The following TMTC1 variants were observed in gnomAD, a reference collection of about 807,000 sequenced individuals.
TMTC1 encodes transmembrane O-mannosyltransferase targeting cadherins 1.
Under a neutral mutation model 104.8 loss-of-function variants are expected in TMTC1, and 73 were observed. The ratio of observed to expected loss-of-function variants is 0.70; its 90% confidence interval spans 0.58 to 0.85. TMTC1 has a LOEUF of 0.85. Ranked by LOEUF, TMTC1 falls within the 40% of genes least tolerant of loss-of-function variation. The probability of loss-of-function intolerance (pLI) is 0.00; values close to 1 mark genes in which losing one functional copy is unlikely to be tolerated. For synonymous variants in TMTC1, 434 were observed against 428.7 expected (o/e 1.01, Z -0.15); for missense variants, 1,035 against 1,096.1 (o/e 0.94, Z 0.79).
chr12:29,730,156 C>G (rs1002023634), intron 5 of TMTC1, among the ~76,000 whole-genome samples: 1 of 152,128 alleles, frequency 6.6e-6, no homozygotes, highest in Non-Finnish European at 1.5e-5. Flanking sequence ...TTAACAAACT[C>G]AAGGACTCTG....
intron 5 of TMTC1, among the ~76,000 whole-genome samples, chr12:29,711,350 G>A (rs1941920713): frequency 6.6e-6 from 1 of 152,076 alleles, no homozygotes; most frequent in Non-Finnish European, 1.5e-5. Context: ...ATTTGGAAAG[G>A]GAGACTATAA....
intron 11 of TMTC1, among the ~76,000 whole-genome samples, chr12:29,532,320 A>T (rs1944527412): frequency 6.6e-6 from 1 of 152,174 alleles, no homozygotes; most frequent in Non-Finnish European, 1.5e-5. Context: ...CTCAAGACTC[A>T]TGAAATATAT....
At chr12:29,704,046 A>G (rs1266751445) in intron 5 of TMTC1, among the ~76,000 whole-genome samples, 1 of 152,110 alleles carries the variant, frequency 6.6e-6, no homozygotes, top group African/African-American at 2.4e-5. Context: ...TTTTCTTTAT[A>G]AATTACCCAG....
intron 9 of TMTC1, among the ~76,000 whole-genome samples, chr12:29,558,284 TA>T (rs1452095091): frequency 6.6e-6 from 1 of 152,106 alleles, no homozygotes; most frequent in African/African-American, 2.4e-5. Flanking sequence ...GCCCAAGTAA[TA>T]AAAACGGGAT....
chr12:29,619,950 G>A (rs1295759717), intron 6 of TMTC1, among the ~76,000 whole-genome samples: 1 of 152,218 alleles, frequency 6.6e-6, no homozygotes, highest in African/African-American at 2.4e-5. Context: ...ATGAAGGGAG[G>A]TGGGGAGGAG....
At chr12:29,645,778 C>T (rs78746802) in intron 5 of TMTC1, among the ~76,000 whole-genome samples, 8,597 of 152,246 alleles carry the variant, frequency 0.056, 286 homozygotes, top group African/African-American at 0.074. Context: ...AGGCTCAGGT[C>T]TCCAGGTCTC....
At chr12:29,729,579 C>A (rs996592928) in intron 5 of TMTC1, among the ~76,000 whole-genome samples, 3 of 152,282 alleles carry the variant, frequency 2.0e-5, no homozygotes, top group South Asian at 2.1e-4. Flanking sequence ...AGGTTCCCAT[C>A]ACAATGACTT....
At chr12:29,574,994 T>C (rs753333243) in intron 8 of TMTC1, among the ~76,000 whole-genome samples, 12 of 152,220 alleles carry the variant, frequency 7.9e-5, no homozygotes, top group South Asian at 4.1e-4. Context: ...CTGGGGCCCA[T>C]CTGCCTGGGG....
chr12:29,767,928 A>C lies in TMTC1; in HGVS notation c.450T>G (p.Leu150=), dbSNP rs144759952. The C allele has an allele frequency of 1.2e-6, 2 of 1,613,742 alleles. No individual in the cohort carries two copies. The highest frequency in any genetic ancestry group is 2.7e-5 in the African/African-American group (2 of 74,914). Residue 150 remains leucine, a synonymous_variant, in exon 2 of 18, where the codon CTT becomes CTG. Coordinates refer to ENST00000539277, the MANE Select transcript of TMTC1 (RefSeq NM_001193451.2). ...NRGLAFVTAL[L]FAVHPIHTEA... is the part of the protein sequence containing the mutation. ...CAGTATGAATAGGATGTACAGCAAA[A>C]AGCAATGCCGTTACAAAAGCAAGTC... is the stretch of plus-strand genomic sequence containing the variant.
At chr12:29,696,059 G>A (rs1370240544) in intron 5 of TMTC1, among the ~76,000 whole-genome samples, 1 of 151,860 alleles carries the variant, frequency 6.6e-6, no homozygotes, top group Admixed American at 6.6e-5. Context: ...TTTTCCAAAG[G>A]AGATATATTT....
intron 7 of TMTC1, among the ~76,000 whole-genome samples, chr12:29,600,740 C>T (rs1565700350): frequency 6.6e-6 from 1 of 152,166 alleles, no homozygotes; most frequent in Non-Finnish European, 1.5e-5. Flanking sequence ...GTCAGGAAAG[C>T]ACCTCCACCC....
At chr12:29,617,367 G>C (rs562637415) in intron 6 of TMTC1, among the ~76,000 whole-genome samples, 1 of 152,108 alleles carries the variant, frequency 6.6e-6, no homozygotes, top group Admixed American at 6.5e-5. Flanking sequence ...TTATTCATTC[G>C]TTCAACAGAT....
intron 5 of TMTC1, among the ~76,000 whole-genome samples, chr12:29,676,588 C>A (rs1355530216): frequency 1.3e-5 from 2 of 152,024 alleles, no homozygotes; most frequent in Non-Finnish European, 1.5e-5. Flanking sequence ...AGTCAGAGAT[C>A]GATTTCCAGG....
intron 14 of TMTC1, 118 bp downstream of exon 14, chr12:29,517,309 T>C (rs918350897): frequency 2.5e-5 from 28 of 1,108,192 alleles, no homozygotes; most frequent in Non-Finnish European, 3.5e-5. Context: ...TGTATGAATA[T>C]TCATACAGTG....
At chr12:29,724,479 A>C (rs1328815318) in intron 5 of TMTC1, among the ~76,000 whole-genome samples, 1 of 152,208 alleles carries the variant, frequency 6.6e-6, no homozygotes, top group Non-Finnish European at 1.5e-5. Flanking sequence ...GACAGGAAAA[A>C]AGTAAAAACC....
intron 1 of TMTC1, among the ~76,000 whole-genome samples, chr12:29,778,609 T>C (rs987748529): frequency 4.6e-5 from 7 of 152,232 alleles, no homozygotes; most frequent in Non-Finnish European, 7.3e-5. Flanking sequence ...TGTACCACTA[T>C]GGTCCAAAAA....
chr12:29,578,469 G>A (rs761233861), intron 8 of TMTC1, among the ~76,000 whole-genome samples: 19 of 152,036 alleles, frequency 1.2e-4, no homozygotes, highest in Non-Finnish European at 1.9e-4. Context: ...TATTATCATG[G>A]AAACATCCAG....
chr12:29,747,969 C>T (rs954601629), intron 5 of TMTC1, among the ~76,000 whole-genome samples: 1 of 152,182 alleles, frequency 6.6e-6, no homozygotes, highest in Non-Finnish European at 1.5e-5. Context: ...TTGCCTCTTC[C>T]AACTTTTATT....
At chr12:29,512,254 C>A in intron 16 of TMTC1, 134 bp from the exon 17 acceptor site, 1 of 607,726 alleles carries the variant, frequency 1.6e-6, no homozygotes, top group Non-Finnish European at 2.8e-6. Flanking sequence ...TCACAGGAGA[C>A]CCTGCTTATT....
Sources: gnomAD v4.1 joint callset for allele counts (sites outside exome capture counted in the v4.1 genomes callset) on GRCh38, gnomAD v4.1.1 for gene constraint, MANE v1.5 for transcripts, NCBI Gene and HGNC (gene_info 2026-07-23, HGNC 2026-07-21) for gene names.